The following MYBPC1 variants were observed in gnomAD, a reference collection of about 807,000 sequenced individuals.
MYBPC1 encodes myosin-binding protein C, slow-type.
Under a neutral mutation model 147.1 loss-of-function variants are expected in MYBPC1, and 52 were observed. That is an observed-to-expected ratio of 0.35 (90% CI 0.28 to 0.45). The LOEUF is 0.45. MYBPC1 is among the 20% of genes least tolerant of loss of function. The probability of loss-of-function intolerance (pLI) is 1.00; values close to 1 mark genes in which losing one functional copy is unlikely to be tolerated. For missense variants in MYBPC1, 1,228 were observed against 1,440.3 expected (o/e 0.85, Z 2.39); for synonymous variants, 477 against 475.9 (o/e 1.00, Z -0.03).
chr12:101,622,974 A>G (rs189298477), intron 3 of MYBPC1, among the ~76,000 whole-genome samples: 2 of 152,314 alleles, frequency 1.3e-5, no homozygotes, highest in East Asian at 1.9e-4. Flanking sequence ...ACAACTGTGC[A>G]TGTCCTCCAA....
At chr12:101,685,151 C>T (rs921348828) in intron 31 of MYBPC1, among the ~76,000 whole-genome samples, 5 of 152,110 alleles carry the variant, frequency 3.3e-5, no homozygotes, top group Non-Finnish European at 5.9e-5. Flanking sequence ...TGAATCGAAA[C>T]TCTCTGTGCC....
chr12:101,676,141 G>T (rs1414063959), intron 26 of MYBPC1, among the ~76,000 whole-genome samples: 1 of 152,066 alleles, frequency 6.6e-6, no homozygotes, highest in Non-Finnish European at 1.5e-5. Context: ...TTTATGTGTG[G>T]CCCAAGACAA....
intron 22 of MYBPC1, 135 bp from the exon 23 acceptor site, chr12:101,667,597 A>G: frequency 9.4e-7 from 1 of 1,063,274 alleles, no homozygotes; most frequent in Non-Finnish European, 1.4e-6. Flanking sequence ...CGGAGTCCAG[A>G]CCAAAGTCAT....
chr12:101,670,703 A>C (rs1282395634), intron 24 of MYBPC1, among the ~76,000 whole-genome samples: 1 of 152,172 alleles, frequency 6.6e-6, no homozygotes, highest in Non-Finnish European at 1.5e-5. Context: ...GGAGATACCA[A>C]ATGAAGAAAT....
chr12:101,651,266 C>A lies in MYBPC1; in HGVS notation c.1399C>A (p.Gln467Lys), dbSNP rs146314887. Residue 467 changes from glutamine (Q) to lysine (K), a missense_variant, in exon 16 of 32, where the codon CAG becomes AAG. Physicochemically the swap from Gln to Lys is moderately conservative, Grantham distance 53 (BLOSUM62 1). Transcript: ENST00000361466. ...PLKILTPLTD[Q>K]TVNLGKEICL... ...GAAGATTTTGACACCTCTGACTGATCAGACTGTAAATCTTGGAAAAGAAAT... is the reference window on the plus strand; with the variant it reads ...GAAGATTTTGACACCTCTGACTGATAAGACTGTAAATCTTGGAAAAGAAAT... 9 of 1,613,924 alleles carry A rather than the reference C, an allele frequency of 5.6e-6. No individual in the cohort carries two copies. The African/African-American group carries it at 1.2e-4, about 22-fold the overall frequency.
At chr12:101,624,775 A>G (rs972294932) in intron 3 of MYBPC1, among the ~76,000 whole-genome samples, 1 of 141,344 alleles carries the variant, frequency 7.1e-6, no homozygotes, top group Non-Finnish European at 1.5e-5. Context: ...AAGTACGAAG[A>G]TTTTATTATT....
rs1479098174 is a variant in MYBPC1 at position 101,674,947 on chromosome 12, TATTTCAG to T, written c.2810-344_2810-338del. On this transcript the variant is annotated intron_variant, in intron 25 of 31. Coordinates refer to ENST00000361466, the MANE Select transcript of MYBPC1 (RefSeq NM_002465.4). ...TTGTTTCCAATCATTGTTATCATTG[TATTTCAG>T]TAAATTTGCTGAAAGTTGCTCTAAC... is the stretch of plus-strand genomic sequence containing the variant. Among the ~76,000 whole-genome samples, 7 of 151,978 alleles carry T rather than the reference TATTTCAG, an allele frequency of 4.6e-5. No individual in the cohort carries two copies. The East Asian group carries it at 9.7e-4, about 21-fold the overall frequency.
At position 101,649,332 on chromosome 12, in the gene MYBPC1, C is replaced by T; in HGVS notation, c.1269C>T (p.His423=). Reference sequence around the variant, plus strand: ...GAATTAGAGTTGAGGGTAAAAAACACATCTTGATCATAGAGGGAGCAACAA... The same window carrying T: ...GAATTAGAGTTGAGGGTAAAAAACATATCTTGATCATAGAGGGAGCAACAA... ...RYRIRVEGKK[H]ILIIEGATKA... is the part of the protein sequence containing the mutation. The change falls in exon 15 of 32, where the codon CAC becomes CAT. Residue 423 remains histidine (H), a synonymous_variant. Coordinates refer to ENST00000361466, the MANE Select transcript of MYBPC1 (RefSeq NM_002465.4). The T allele has an allele frequency of 1.2e-6, 2 of 1,613,854 alleles. No homozygotes were observed. The highest frequency in any genetic ancestry group is 1.7e-6 in the Non-Finnish European group (2 of 1,179,804).
chr12:101,628,372 A>C (rs1286019892), intron 5 of MYBPC1, among the ~76,000 whole-genome samples: 1 of 152,218 alleles, frequency 6.6e-6, no homozygotes, highest in East Asian at 1.9e-4. Context: ...ACAAACAACA[A>C]AATTTTAACA....
chr12:101,617,096 G>C (rs1407053130), intron 2 of MYBPC1, 106 bp from the exon 3 acceptor site: 4 of 976,440 alleles, frequency 4.1e-6, no homozygotes, highest in Non-Finnish European at 6.5e-6. Flanking sequence ...TTTATGACCT[G>C]TTCTGCTGTC....
At chr12:101,692,306 T>A in the MYBPC1 span, among the ~76,000 whole-genome samples, 1 of 152,232 alleles carries the variant, frequency 6.6e-6, no homozygotes, top group African/African-American at 2.4e-5. Flanking sequence ...ATATTTAGAA[T>A]GGACTGGAAT....
intron 1 of MYBPC1, among the ~76,000 whole-genome samples, chr12:101,611,785 A>T (rs750914126): frequency 2.5e-4 from 38 of 152,350 alleles, no homozygotes; most frequent in Non-Finnish European, 4.7e-4. Flanking sequence ...ACAGAATAGA[A>T]TAATCAGCTC....
intron 5 of MYBPC1, chr12:101,628,270 C>A: frequency 4.7e-6 from 1 of 212,186 alleles, no homozygotes; most frequent in Non-Finnish European, 9.7e-6. Context: ...ATGGGCCAGC[C>A]ACTCCTATAG....
In MYBPC1 at chr12:101,646,222, G is replaced by A. The variant is rs867546137; in HGVS notation, c.966-541G>A. ...TTTGAAATAAAAACCTTATGTAAAA[G>A]AAAATTATAATGGAAATTAAATAGT... On this transcript the variant is annotated intron_variant, in intron 12 of 31. Coordinates refer to ENST00000361466, the MANE Select transcript of MYBPC1 (RefSeq NM_002465.4). Among the ~76,000 whole-genome samples, 9 of 150,734 alleles carry A rather than the reference G, an allele frequency of 6.0e-5. No individual in the cohort carries two copies. The South Asian group carries it at 8.3e-4, about 14-fold the overall frequency.
At chr12:101,651,603 G>T (rs766607007) in intron 16 of MYBPC1, among the ~76,000 whole-genome samples, 1 of 152,080 alleles carries the variant, frequency 6.6e-6, no homozygotes, top group Non-Finnish European at 1.5e-5. Flanking sequence ...TCACACTATG[G>T]TACTTTGTCT....
intron 1 of MYBPC1, among the ~76,000 whole-genome samples, chr12:101,599,497 G>C (rs1396904261): frequency 6.6e-6 from 1 of 152,122 alleles, no homozygotes; most frequent in African/African-American, 2.4e-5. Flanking sequence ...CATCAGAAAA[G>C]GACCTCCCTT....
intron 15 of MYBPC1, among the ~76,000 whole-genome samples, chr12:101,650,307 G>T (rs1400290412): frequency 6.6e-6 from 1 of 152,146 alleles, no homozygotes; most frequent in East Asian, 1.9e-4. Flanking sequence ...GAATTTTGCT[G>T]GTTTATTAGT....
intron 18 of MYBPC1, 104 bp from the exon 19 acceptor site, chr12:101,659,561 TCTATACA>T (rs1896171626): frequency 9.0e-7 from 1 of 1,114,336 alleles, no homozygotes; most frequent in South Asian, 1.3e-5. Context: ...CACTATATAA[TCTATACA>T]CTATACACTC....
At chr12:101,648,999 T>C (rs1203483768) in intron 14 of MYBPC1, among the ~76,000 whole-genome samples, 1 of 152,224 alleles carries the variant, frequency 6.6e-6, no homozygotes, top group Non-Finnish European at 1.5e-5. Flanking sequence ...ATATCCACTC[T>C]TAGCAGTTGC....
Sources: gnomAD v4.1 joint callset for allele counts (sites outside exome capture counted in the v4.1 genomes callset) on GRCh38, gnomAD v4.1.1 for gene constraint, MANE v1.5 for transcripts, NCBI Gene and HGNC (gene_info 2026-07-23, HGNC 2026-07-21) for gene names.